LRP1B: variants seen among roughly 807,000 people sequenced by gnomAD.
LRP1B encodes low-density lipoprotein receptor-related protein 1B.
In LRP1B, 217 loss-of-function variants were observed where a neutral mutation model predicts 556.6. That is an observed-to-expected ratio of 0.39 (90% CI 0.35 to 0.44). The LOEUF is 0.44. Among genes scored for constraint, LRP1B ranks in the 20% least tolerant of loss-of-function variants. LRP1B has a pLI of 1.00. For missense variants in LRP1B, 5,053 were observed against 5,620.8 expected, an observed-to-expected ratio of 0.90 and a Z score of 3.23; for synonymous variants, 2,047 against 1,865.8, an observed-to-expected ratio of 1.10 and a Z score of -2.50.
intron 7 of LRP1B, among the ~76,000 whole-genome samples, chr2:141,078,813 A>G (rs1699855741): frequency 6.6e-6 from 1 of 152,260 alleles, no homozygotes; most frequent in Non-Finnish European, 1.5e-5. Context: ...CAATTAAAAA[A>G]AAGAACTCAA....
intron 6 of LRP1B, among the ~76,000 whole-genome samples, chr2:141,195,716 C>T (rs566649042): frequency 1.3e-5 from 2 of 152,228 alleles, no homozygotes; most frequent in Middle Eastern, 3.4e-3. Flanking sequence ...TAAAGACACA[C>T]TCTCTTGAAA....
intron 41 of LRP1B, among the ~76,000 whole-genome samples, chr2:140,645,035 T>C (rs1417056129): frequency 6.6e-6 from 1 of 152,158 alleles, no homozygotes; most frequent in East Asian, 1.9e-4. Flanking sequence ...TCTAATTATA[T>C]AGATTATTTT....
intron 6 of LRP1B, among the ~76,000 whole-genome samples, chr2:141,205,494 T>G (rs1412052189): frequency 6.6e-6 from 1 of 152,142 alleles, no homozygotes; most frequent in African/African-American, 2.4e-5. Flanking sequence ...ATTAAATAAT[T>G]TTGCCTCTAT....
intron 1 of LRP1B, among the ~76,000 whole-genome samples, chr2:141,964,383 G>T (rs1701495138): frequency 6.8e-6 from 1 of 146,652 alleles, no homozygotes; most frequent in Admixed American, 6.8e-5. Flanking sequence ...CATGGTACTG[G>T]TACCAAAACA....
intron 28 of LRP1B, among the ~76,000 whole-genome samples, chr2:140,850,588 T>G (rs1038170024): frequency 2.0e-5 from 3 of 152,178 alleles, no homozygotes; most frequent in Admixed American, 6.5e-5. Context: ...CAATTCTCAC[T>G]GACCTTAGAA....
chr2:142,062,247 T>C (rs1704946725), intron 1 of LRP1B, among the ~76,000 whole-genome samples: 1 of 151,828 alleles, frequency 6.6e-6, no homozygotes, highest in Non-Finnish European at 1.5e-5. Flanking sequence ...ATTAAAAAGA[T>C]GATTTAGAAA....
At chr2:141,026,401 G>A (rs977635160) in intron 11 of LRP1B, among the ~76,000 whole-genome samples, 12 of 151,890 alleles carry the variant, frequency 7.9e-5, no homozygotes, top group African/African-American at 2.9e-4. Context: ...AAAAAGACAA[G>A]GTATCATATA....
rs184597845 is a variant in LRP1B, at chr2:141,062,902, T to C, written c.1014-629A>G. Among the ~76,000 whole-genome samples the C allele has an allele frequency of 3.7e-3, 557 of 151,982 alleles. 2 individuals are homozygous for C. Among genetic ancestry groups the C allele is most frequent in the Non-Finnish European group, 6.3e-3 (426 of 67,880 alleles). On this transcript the variant is annotated intron_variant, in intron 7 of 90. Transcript: ENST00000389484. ...TTAAAAAGTATAGGTCATTTCTTCT[T>C]GTTTTTTCTTAATATTTATTTTGGA...
chr2:141,754,150 T>C (rs1694238609), intron 2 of LRP1B, among the ~76,000 whole-genome samples: 1 of 152,128 alleles, frequency 6.6e-6, no homozygotes, highest in South Asian at 2.1e-4. Flanking sequence ...ACTTAATTCA[T>C]AAGGCATATC....
chr2:141,340,170 C>T (rs938953911), intron 3 of LRP1B, among the ~76,000 whole-genome samples: 2 of 152,170 alleles, frequency 1.3e-5, no homozygotes, highest in Non-Finnish European at 2.9e-5. Flanking sequence ...AGAAAAATCC[C>T]CTTCAACTTT....
chr2:141,817,455 C>T (rs1324262846), intron 1 of LRP1B, among the ~76,000 whole-genome samples: 1 of 151,998 alleles, frequency 6.6e-6, no homozygotes, highest in African/African-American at 2.4e-5. Context: ...CCCTTCTGCA[C>T]TTACATGAAA....
At chr2:142,089,728 CAAG>C (rs985415780) in intron 1 of LRP1B, among the ~76,000 whole-genome samples, 1 of 152,064 alleles carries the variant, frequency 6.6e-6, no homozygotes, top group Admixed American at 6.6e-5. Flanking sequence ...TGAAGATACT[CAAG>C]AAGGATTGTG....
At chr2:140,703,411 G>T (rs1249426981) in intron 37 of LRP1B, among the ~76,000 whole-genome samples, 1 of 151,960 alleles carries the variant, frequency 6.6e-6, no homozygotes, top group Non-Finnish European at 1.5e-5. Flanking sequence ...CAAAAAATTC[G>T]ATATTCATAG....
chr2:140,733,466 C>T lies in LRP1B; in HGVS notation c.5759-16650G>A, dbSNP rs562272637. Among the ~76,000 whole-genome samples the T allele has an allele frequency of 5.3e-5, 8 of 152,144 alleles. 1 individual carries two copies. Among genetic ancestry groups the T allele is most frequent in the African/African-American group, 1.9e-4 (8 of 41,532 alleles). On this transcript the variant is annotated intron_variant, in intron 35 of 90. Transcript: ENST00000389484. ...TAAGAGCCAAAAACTAGAACAAAAA[C>T]AAACATCTATCATTGCAGAAACAGT...
chr2:141,201,224 T>G (rs1401530622), intron 6 of LRP1B, among the ~76,000 whole-genome samples: 1 of 152,052 alleles, frequency 6.6e-6, no homozygotes, highest in Admixed American at 6.5e-5. Flanking sequence ...TCTGAATGAG[T>G]AAAAATGGCT....
intron 3 of LRP1B, among the ~76,000 whole-genome samples, chr2:141,261,034 T>A (rs1186897686): frequency 6.6e-6 from 1 of 152,142 alleles, no homozygotes; most frequent in African/African-American, 2.4e-5. Context: ...TGCTTGAAGA[T>A]TGAAAAGCTG....
chr2:141,659,893 G>A (rs917343191), intron 2 of LRP1B, among the ~76,000 whole-genome samples: 7 of 152,052 alleles, frequency 4.6e-5, no homozygotes, highest in African/African-American at 1.7e-4. Flanking sequence ...TGATAAATGA[G>A]AAAATAAAAG....
intron 1 of LRP1B, among the ~76,000 whole-genome samples, chr2:142,074,533 C>T (rs1197456698): frequency 6.6e-6 from 1 of 152,022 alleles, no homozygotes; most frequent in African/African-American, 2.4e-5. Context: ...CTTCTATGAG[C>T]CATTTTCTGT....
At chr2:140,923,894 G>C (rs1486627865) in intron 20 of LRP1B, among the ~76,000 whole-genome samples, 1 of 151,906 alleles carries the variant, frequency 6.6e-6, no homozygotes, top group African/African-American at 2.4e-5. Context: ...TAAATGTTGG[G>C]ATACAGATGT....
Sources: allele counts gnomAD v4.1 joint callset (sites outside exome capture counted in the v4.1 genomes callset), GRCh38; gene constraint gnomAD v4.1.1; transcripts MANE v1.5; gene names NCBI Gene and HGNC (gene_info 2026-07-23, HGNC 2026-07-21).